SLC41A2: variants seen among roughly 807,000 people sequenced by gnomAD.
The protein encoded by SLC41A2 is solute carrier family 41 member 2.
In SLC41A2, 32 loss-of-function variants were observed where a neutral mutation model predicts 58.3. The ratio of observed to expected loss-of-function variants is 0.55; its 90% confidence interval spans 0.41 to 0.74. The LOEUF (loss-of-function observed/expected upper bound fraction) is 0.74, where lower values mean the gene tolerates loss of function less well. Among genes scored for constraint, SLC41A2 ranks in the 30% least tolerant of loss-of-function variants. The probability of loss-of-function intolerance (pLI) is 0.00; values close to 1 mark genes in which losing one functional copy is unlikely to be tolerated. For missense variants in SLC41A2, 514 were observed against 680.6 expected, an observed-to-expected ratio of 0.76 and a Z score of 2.72; for synonymous variants, 190 against 235.0, an observed-to-expected ratio of 0.81 and a Z score of 1.75.
chr12:104,854,628 G>C (rs1400046875), intron 8 of SLC41A2, among the ~76,000 whole-genome samples: 1 of 151,700 alleles, frequency 6.6e-6, no homozygotes, highest in Non-Finnish European at 1.5e-5. Flanking sequence ...CCTCACATGG[G>C]TTACAGCTGT....
chr12:104,915,430 C>T (rs10861293), intron 2 of SLC41A2, among the ~76,000 whole-genome samples: 73,840 of 151,970 alleles, frequency 0.49, 18,272 homozygotes, highest in Middle Eastern at 0.54. Context: ...TGTTTGTATC[C>T]TCTTTTTATT....
chr12:104,914,311 T>G (rs2046218192), intron 2 of SLC41A2, among the ~76,000 whole-genome samples: 1 of 152,232 alleles, frequency 6.6e-6, no homozygotes, highest in Non-Finnish European at 1.5e-5. Flanking sequence ...GTATTTAATG[T>G]CATTTTTTAC....
At position 104,882,267 on chromosome 12, in the gene SLC41A2, A is replaced by C. The variant is rs552705887; in HGVS notation, c.1027+4026T>G. On this transcript the variant is annotated intron_variant, in intron 6 of 10. Transcript: ENST00000258538. Reference sequence around the variant, plus strand: ...GCACACTGATGGGTCTTGACTCTTTATCCAATTTGCCAGTCTGTGTCTTTT... The same window carrying C: ...GCACACTGATGGGTCTTGACTCTTTCTCCAATTTGCCAGTCTGTGTCTTTT... 3.6e-4 allele frequency among the ~76,000 whole-genome samples: 55 copies of C among 152,072 alleles called. 1 individual carries two copies. The South Asian group carries it at 4.0e-3, about 11-fold the overall frequency.
intron 1 of SLC41A2, among the ~76,000 whole-genome samples, chr12:104,938,887 G>A (rs1423378612): frequency 6.6e-6 from 1 of 152,146 alleles, no homozygotes; most frequent in Admixed American, 6.5e-5. Context: ...TGCAGTCTAT[G>A]GACAAGGAGT....
chr12:104,946,720 A>T (rs766280746), intron 1 of SLC41A2, among the ~76,000 whole-genome samples: 3 of 152,256 alleles, frequency 2.0e-5, no homozygotes, highest in Non-Finnish European at 4.4e-5. Context: ...ATGAAAGATG[A>T]CTTGTATTGA....
At chr12:104,935,096 T>C (rs189074885) in intron 1 of SLC41A2, among the ~76,000 whole-genome samples, 32 of 152,256 alleles carry the variant, frequency 2.1e-4, no homozygotes, top group African/African-American at 6.7e-4. Flanking sequence ...TAGCTGGGAT[T>C]AGAGGGGCAT....
In SLC41A2 at chr12:104,816,354, A is replaced by G. The variant is rs574194284; in HGVS notation, c.1537-11017T>C. ...GTAAAATGTTCAATAAAATACAAAA[A>G]CTATCTTTTAAAGTGCATCACTGAG... On this transcript the variant is annotated intron_variant, in intron 10 of 10. Coordinates refer to ENST00000258538, the MANE Select transcript of SLC41A2 (RefSeq NM_001352171.3). 4.6e-5 allele frequency among the ~76,000 whole-genome samples: 7 copies of G among 152,336 alleles called. No homozygotes were observed. The East Asian group carries it at 1.2e-3, about 25-fold the overall frequency.
At chr12:104,941,090 A>G (rs1455067096) in intron 1 of SLC41A2, among the ~76,000 whole-genome samples, 1 of 152,174 alleles carries the variant, frequency 6.6e-6, no homozygotes. Context: ...GTTGGGGAAC[A>G]TGGAAGAGAG....
chr12:104,823,745 C>T (rs1331123765), intron 10 of SLC41A2, among the ~76,000 whole-genome samples: 1 of 152,028 alleles, frequency 6.6e-6, no homozygotes, highest in Non-Finnish European at 1.5e-5. Flanking sequence ...TAATCATTTG[C>T]AAAAACTGAT....
At chr12:104,870,491 G>A (rs1317776383) in intron 6 of SLC41A2, among the ~76,000 whole-genome samples, 2 of 152,142 alleles carry the variant, frequency 1.3e-5, no homozygotes, top group Non-Finnish European at 2.9e-5. Context: ...TTGTTACAAT[G>A]GCAATAGATA....
intron 6 of SLC41A2, among the ~76,000 whole-genome samples, chr12:104,871,627 C>T (rs899121133): frequency 6.6e-6 from 1 of 152,116 alleles, no homozygotes; most frequent in Non-Finnish European, 1.5e-5. Context: ...AATATTTCCC[C>T]AATACTATAT....
At chr12:104,854,805 A>C (rs1320025036) in intron 8 of SLC41A2, among the ~76,000 whole-genome samples, 2 of 152,010 alleles carry the variant, frequency 1.3e-5, no homozygotes, top group Non-Finnish European at 2.9e-5. Flanking sequence ...AGAGAAATGA[A>C]TCTCTCTACT....
intron 8 of SLC41A2, among the ~76,000 whole-genome samples, chr12:104,846,540 T>C (rs1049395096): frequency 6.6e-6 from 1 of 152,200 alleles, no homozygotes; most frequent in Non-Finnish European, 1.5e-5. Context: ...GCCATAAAAG[T>C]GAGTAAGAAG....
In SLC41A2 at chr12:104,887,253, A is replaced by G. The variant is rs551709599; in HGVS notation, c.881-814T>C. ...GAAAGCCTAAATATGGCTATGGAGA[A>G]AAACAGTAACAGAATCTCACAGCAC... On this transcript the variant is annotated intron_variant, in intron 5 of 10. Coordinates refer to ENST00000258538, the MANE Select transcript of SLC41A2 (RefSeq NM_001352171.3). 2.0e-5 allele frequency among the ~76,000 whole-genome samples: 3 copies of G among 152,104 alleles called. No individual in the cohort carries two copies. The South Asian group carries it at 6.2e-4, about 32-fold the overall frequency.
At chr12:104,930,656 G>C (rs1386662268) in intron 1 of SLC41A2, among the ~76,000 whole-genome samples, 4 of 152,116 alleles carry the variant, frequency 2.6e-5, no homozygotes, top group African/African-American at 9.7e-5. Flanking sequence ...GAGAAATGTA[G>C]GTAAACAAGA....
chr12:104,882,549 A>G (rs1309777821), intron 6 of SLC41A2, among the ~76,000 whole-genome samples: 1 of 152,046 alleles, frequency 6.6e-6, no homozygotes, highest in Non-Finnish European at 1.5e-5. Context: ...GCTTGTCTGT[A>G]AAGTATTTTA....
intron 2 of SLC41A2, among the ~76,000 whole-genome samples, chr12:104,918,641 A>C (rs1020656007): frequency 5.3e-5 from 8 of 151,210 alleles, no homozygotes; most frequent in Admixed American, 4.6e-4. Flanking sequence ...AAAAAAAAAA[A>C]AAAAAACTAA....
At position 104,937,116 on chromosome 12, in the gene SLC41A2, T is replaced by C. The variant is rs543400658; in HGVS notation, c.-167-8422A>G. ...GAGCAAGACCCTGCCTCTAAACAAT[T>C]TTTTAAATTAAAATTGAAACAATGA... On this transcript the variant is annotated intron_variant, in intron 1 of 10. Transcript: ENST00000258538. Among the ~76,000 whole-genome samples, 14 of 152,342 alleles carry C rather than the reference T, an allele frequency of 9.2e-5. No homozygotes were observed. In the East Asian group the frequency reaches 2.5e-3, roughly 27 times the overall value.
intron 10 of SLC41A2, among the ~76,000 whole-genome samples, chr12:104,805,766 G>A (rs2468089): frequency 0.73 from 111,215 of 152,074 alleles, 41,280 homozygotes; most frequent in African/African-American, 0.86. Context: ...CTGACCATTC[G>A]TTTACTAATT....
Sources: allele counts gnomAD v4.1 joint callset (sites outside exome capture counted in the v4.1 genomes callset), GRCh38; gene constraint gnomAD v4.1.1; transcripts MANE v1.5; gene names NCBI Gene and HGNC (gene_info 2026-07-23, HGNC 2026-07-21).